Variants in MED13L observed in about 807,000 individuals in gnomAD.
The protein encoded by MED13L is mediator of RNA polymerase II transcription subunit 13-like.
Under a neutral mutation model 220.9 loss-of-function variants are expected in MED13L, and 7 were observed. That is an observed-to-expected ratio of 0.03 (90% CI 0.02 to 0.06). MED13L has a LOEUF of 0.06. MED13L is among the 10% of genes least tolerant of loss of function. MED13L has a pLI of 1.00. For missense variants in MED13L, 1,965 were observed against 2,760.5 expected (o/e 0.71, Z 6.46); for synonymous variants, 1,011 against 1,015.2 (o/e 1.00, Z 0.08).
At chr12:116,121,754 C>G (rs972658381) in intron 2 of MED13L, among the ~76,000 whole-genome samples, 1 of 152,184 alleles carries the variant, frequency 6.6e-6, no homozygotes, top group African/African-American at 2.4e-5. Flanking sequence ...ACTTCTTACT[C>G]CCACCTACTG....
intron 16 of MED13L, among the ~76,000 whole-genome samples, chr12:115,994,517 T>C (rs1363227913): frequency 1.3e-5 from 2 of 152,110 alleles, no homozygotes; most frequent in Non-Finnish European, 2.9e-5. Flanking sequence ...AGTTGTATAA[T>C]AGAGCCAGTT....
chr12:116,256,940 G>A lies in MED13L; in HGVS notation c.73-19235C>T, dbSNP rs557432692. On this transcript the variant is annotated intron_variant, in intron 1 of 30. Coordinates refer to ENST00000281928, the MANE Select transcript of MED13L (RefSeq NM_015335.5). ...ACCGCCCACCTCGGCCTCCCAAAGTGCTGGGATTACAGGCATGAGCCACCG... is the reference window on the plus strand; with the variant it reads ...ACCGCCCACCTCGGCCTCCCAAAGTACTGGGATTACAGGCATGAGCCACCG... Among the ~76,000 whole-genome samples the A allele has an allele frequency of 1.5e-3, 221 of 152,256 alleles. 2 individuals carry two copies. Among genetic ancestry groups the A allele is most frequent in the African/African-American group, 5.1e-3 (210 of 41,548 alleles).
At chr12:116,136,311 G>A (rs1294130595) in intron 2 of MED13L, among the ~76,000 whole-genome samples, 1 of 152,068 alleles carries the variant, frequency 6.6e-6, no homozygotes, top group Admixed American at 6.5e-5. Context: ...CTCAAATTGG[G>A]GCTCTAGAAA....
rs1185471273 is a variant in MED13L, at chr12:115,963,472, C to G, written c.6435G>C (p.Leu2145=). 1 of 1,614,188 alleles carries G rather than the reference C, an allele frequency of 6.2e-7. No individual in the cohort carries two copies. The part of the protein sequence containing the change: ...HISVAQTDEL[L]PARNSQRVPH... The stretch of plus-strand genomic sequence containing the variant: ...GAACCCGCTGAGAATTCCTGGCAGG[C>G]AGAAGTTCGTCTGTCTGTGCTACTG... The change falls in exon 30 of 31, where the codon CTG becomes CTC. Residue 2145 remains leucine (L), a synonymous_variant. Coordinates refer to ENST00000281928, the MANE Select transcript of MED13L (RefSeq NM_015335.5).
intron 4 of MED13L, among the ~76,000 whole-genome samples, chr12:116,054,213 A>AACACACACACACACACAAAC (rs1868755319): frequency 7.6e-6 from 1 of 131,034 alleles, no homozygotes; most frequent in Non-Finnish European, 1.7e-5. Context: ...CACACACACA[A>AACACACACACACACACAAAC]ACACACACAC....
chr12:116,198,472 T>C (rs1881788453), intron 2 of MED13L, among the ~76,000 whole-genome samples: 1 of 152,178 alleles, frequency 6.6e-6, no homozygotes, highest in South Asian at 2.1e-4. Flanking sequence ...TGCAATACTT[T>C]CATCAATCCC....
intron 4 of MED13L, among the ~76,000 whole-genome samples, chr12:116,025,470 A>C (rs1880332645): frequency 6.6e-6 from 1 of 152,220 alleles, no homozygotes; most frequent in Non-Finnish European, 1.5e-5. Context: ...TAAGATATGG[A>C]ATCAACCTAA....
At chr12:116,196,598 T>C (rs924279505) in intron 2 of MED13L, among the ~76,000 whole-genome samples, 1 of 152,158 alleles carries the variant, frequency 6.6e-6, no homozygotes, top group Non-Finnish European at 1.5e-5. Flanking sequence ...AAACCAAATA[T>C]ACAATCAAAA....
chr12:116,274,203 G>A (rs1873623312), intron 1 of MED13L, among the ~76,000 whole-genome samples: 1 of 152,082 alleles, frequency 6.6e-6, no homozygotes, highest in Non-Finnish European at 1.5e-5. Flanking sequence ...TTGATTCCGT[G>A]CAGTAAAAAA....
At chr12:116,059,773 T>G (rs1054500670) in intron 4 of MED13L, among the ~76,000 whole-genome samples, 4 of 152,100 alleles carry the variant, frequency 2.6e-5, no homozygotes, top group Non-Finnish European at 5.9e-5. Context: ...TATTTTTAAA[T>G]ACATATGCTT....
intron 2 of MED13L, among the ~76,000 whole-genome samples, chr12:116,155,293 C>G (rs2138110280): frequency 6.6e-6 from 1 of 152,106 alleles, no homozygotes; most frequent in African/African-American, 2.4e-5. Flanking sequence ...GTGGGTGGTA[C>G]ACACCCAAAG....
At chr12:116,117,819 A>G (rs1046387576) in intron 2 of MED13L, among the ~76,000 whole-genome samples, 1 of 151,956 alleles carries the variant, frequency 6.6e-6, no homozygotes, top group Admixed American at 6.6e-5. Flanking sequence ...CATTTTTTTA[A>G]TTTTTTGAGA....
intron 2 of MED13L, among the ~76,000 whole-genome samples, chr12:116,157,395 T>C (rs1433896507): frequency 6.6e-6 from 1 of 152,174 alleles, no homozygotes; most frequent in Non-Finnish European, 1.5e-5. Flanking sequence ...GCACAGTGCC[T>C]ACTATGTATC....
intron 2 of MED13L, among the ~76,000 whole-genome samples, chr12:116,220,216 C>T (rs1048907450): frequency 1.3e-5 from 2 of 152,044 alleles, no homozygotes; most frequent in African/African-American, 2.4e-5. Flanking sequence ...CAAAACATAC[C>T]AAATAATCAT....
intron 14 of MED13L, among the ~76,000 whole-genome samples, chr12:115,998,801 T>C (rs1878566497): frequency 6.6e-6 from 1 of 152,204 alleles, no homozygotes; most frequent in Admixed American, 6.5e-5. Flanking sequence ...CCAACATTCA[T>C]TTCCATTAGC....
Position 115,983,113 on chromosome 12 carries a change from A to G in MED13L, c.4955+4T>C. ...CCACTCATCTCAATTAGTGAATAAC[A>G]TACCTCTCTTGTCCATCCTGTGAGG... On this transcript the variant is annotated splice_donor_region_variant and intron_variant, in intron 21 of 30. Transcript: ENST00000281928. The G allele has an allele frequency of 6.2e-7, 1 of 1,613,928 alleles. No individual in the cohort carries two copies. The highest frequency in any genetic ancestry group is 8.5e-7 in the Non-Finnish European group (1 of 1,179,920).
chr12:116,067,606 G>T (rs1566040667), intron 4 of MED13L, among the ~76,000 whole-genome samples: 1 of 152,128 alleles, frequency 6.6e-6, no homozygotes. Context: ...AAAAAAGCAT[G>T]AAACAAATAT....
chr12:116,005,589 A>T (rs1324358803), intron 13 of MED13L, among the ~76,000 whole-genome samples: 3 of 152,218 alleles, frequency 2.0e-5, no homozygotes, highest in East Asian at 1.9e-4. Flanking sequence ...AGAGATTTTA[A>T]TATGTACAAC....
intron 2 of MED13L, among the ~76,000 whole-genome samples, chr12:116,171,919 G>A (rs964419488): frequency 1.3e-5 from 2 of 152,058 alleles, no homozygotes; most frequent in Non-Finnish European, 2.9e-5. Flanking sequence ...ATAATCTTTG[G>A]GAAATTTGGG....
Sources: allele counts gnomAD v4.1 joint callset (sites outside exome capture counted in the v4.1 genomes callset), GRCh38; gene constraint gnomAD v4.1.1; transcripts MANE v1.5; gene names NCBI Gene and HGNC (gene_info 2026-07-23, HGNC 2026-07-21).